The following PRKG1 variants were observed in gnomAD, a reference collection of about 807,000 sequenced individuals.
PRKG1 encodes cGMP-dependent protein kinase 1.
A neutral mutation model predicts 88.1 loss-of-function variants in PRKG1; 35 were observed. That is an observed-to-expected ratio of 0.40 (90% confidence interval 0.30 to 0.53). PRKG1 has a LOEUF of 0.53. PRKG1 is among the 20% of genes least tolerant of loss of function. The pLI is 0.59. For synonymous variants in PRKG1, 303 were observed against 292.5 expected (o/e 1.04, Z -0.37); for missense variants, 540 against 839.8 (o/e 0.64, Z 4.41).
At chr10:52,049,333 C>T (rs548721813) in intron 5 of PRKG1, among the ~76,000 whole-genome samples, 13 of 152,080 alleles carry the variant, frequency 8.5e-5, no homozygotes, top group African/African-American at 3.1e-4. Context: ...TAGAAGGGAT[C>T]CAGCATGGCA....
chr10:51,294,945 T>C (rs1840679727), intron 2 of PRKG1, among the ~76,000 whole-genome samples: 1 of 152,108 alleles, frequency 6.6e-6, no homozygotes, highest in Non-Finnish European at 1.5e-5. Context: ...TTCCTGGGTA[T>C]GGTGGCACTT....
intron 2 of PRKG1, among the ~76,000 whole-genome samples, chr10:51,294,329 C>G (rs1223414196): frequency 6.6e-6 from 1 of 151,970 alleles, no homozygotes; most frequent in Non-Finnish European, 1.5e-5. Flanking sequence ...ATGTTTTCTT[C>G]TAGTAGTTTT....
At chr10:52,091,860 C>G (rs1374917314) in intron 7 of PRKG1, among the ~76,000 whole-genome samples, 1 of 152,310 alleles carries the variant, frequency 6.6e-6, no homozygotes, top group East Asian at 1.9e-4. Flanking sequence ...TTTTGATATT[C>G]ATCCTCTGGT....
At chr10:51,098,534 G>A (rs1844600254) in intron 1 of PRKG1, among the ~76,000 whole-genome samples, 1 of 152,142 alleles carries the variant, frequency 6.6e-6, no homozygotes, top group African/African-American at 2.4e-5. Flanking sequence ...TATGGCGGAA[G>A]GATGAAAGAG....
Position 51,401,646 on chromosome 10 carries a change from C to T in PRKG1, c.479-66077C>T, listed in dbSNP as rs10997395. On this transcript the variant is annotated intron_variant, in intron 2 of 17. Coordinates refer to ENST00000373980, the MANE Select transcript of PRKG1 (RefSeq NM_006258.4). ...CCTTTTTTGGTGACTTACTTTTCAT[C>T]TTATCCTTCATTTAAAGAAGGCATC... is the stretch of plus-strand genomic sequence containing the variant. Among the ~76,000 whole-genome samples the T allele has an allele frequency of 2.0e-4, 31 of 152,200 alleles. No individual in the cohort carries two copies. The East Asian group carries it at 5.8e-3, about 28-fold the overall frequency.
chr10:51,268,283 T>C (rs1839889566), intron 2 of PRKG1, among the ~76,000 whole-genome samples: 1 of 152,184 alleles, frequency 6.6e-6, no homozygotes, highest in African/African-American at 2.4e-5. Context: ...GATAACATCT[T>C]ATCAGGAGAC....
At chr10:52,131,547 T>C (rs1199060012) in intron 7 of PRKG1, among the ~76,000 whole-genome samples, 1 of 151,902 alleles carries the variant, frequency 6.6e-6, no homozygotes, top group Non-Finnish European at 1.5e-5. Flanking sequence ...CGATGATGTG[T>C]ATTAAAAGGA....
chr10:51,511,414 T>C (rs1841401832), intron 3 of PRKG1, among the ~76,000 whole-genome samples: 1 of 152,074 alleles, frequency 6.6e-6, no homozygotes, highest in African/African-American at 2.4e-5. Context: ...AACCCACAGA[T>C]TGGGAGGAGC....
At chr10:51,199,375 C>T (rs1837853612) in intron 2 of PRKG1, among the ~76,000 whole-genome samples, 1 of 152,114 alleles carries the variant, frequency 6.6e-6, no homozygotes, top group African/African-American at 2.4e-5. Flanking sequence ...ATTAAGAATA[C>T]ACTTAATAAA....
intron 2 of PRKG1, among the ~76,000 whole-genome samples, chr10:51,446,544 G>A (rs924061380): frequency 1.3e-5 from 2 of 151,946 alleles, no homozygotes; most frequent in African/African-American, 4.8e-5. Flanking sequence ...AGCATTTTAA[G>A]GTTTCTGAAA....
At position 51,682,915 on chromosome 10, in the gene PRKG1, A is replaced by G. The variant is rs72797347; in HGVS notation, c.593-121670A>G. ...ACCTGTTCCAAAAGGGTTAAAGAAT[A>G]TCATTGAAAACTCTCTCTTCTACCT... is the stretch of plus-strand genomic sequence containing the variant. On this transcript the variant is annotated intron_variant, in intron 3 of 17. Transcript: ENST00000373980. Among the ~76,000 whole-genome samples, 996 of 152,344 alleles carry G rather than the reference A, an allele frequency of 6.5e-3. 7 individuals are homozygous for G. Among genetic ancestry groups the G allele is most frequent in the Middle Eastern group, 0.017 (5 of 294 alleles).
chr10:52,030,701 C>G (rs10762541), intron 5 of PRKG1, among the ~76,000 whole-genome samples: 3 of 151,944 alleles, frequency 2.0e-5, no homozygotes, highest in Non-Finnish European at 4.4e-5. Context: ...ACATAGGACA[C>G]GACCATGCTA....
chr10:51,423,886 G>A (rs927306717), intron 2 of PRKG1, among the ~76,000 whole-genome samples: 3 of 151,880 alleles, frequency 2.0e-5, no homozygotes, highest in Admixed American at 1.3e-4. Flanking sequence ...GTAAAAATAG[G>A]GCATAAATTG....
At chr10:52,006,697 C>T (rs555025225) in intron 5 of PRKG1, among the ~76,000 whole-genome samples, 3 of 152,298 alleles carry the variant, frequency 2.0e-5, no homozygotes, top group East Asian at 1.9e-4. Flanking sequence ...ACTTAGAAAA[C>T]ATATTTCAGG....
chr10:51,979,512 C>A (rs1313632975), intron 5 of PRKG1, among the ~76,000 whole-genome samples: 1 of 125,236 alleles, frequency 8.0e-6, no homozygotes, highest in Non-Finnish European at 1.6e-5. Context: ...TCCTTCCTTT[C>A]AATTTTTGGA....
intron 2 of PRKG1, among the ~76,000 whole-genome samples, chr10:51,155,321 T>C (rs2131978929): frequency 6.6e-6 from 1 of 152,220 alleles, no homozygotes; most frequent in East Asian, 1.9e-4. Context: ...TTAATATTTG[T>C]TAATGTTTAG....
chr10:52,165,040 G>A (rs1338215826), intron 9 of PRKG1, among the ~76,000 whole-genome samples: 1 of 152,052 alleles, frequency 6.6e-6, no homozygotes. Flanking sequence ...TTAGAAAATG[G>A]TAATTGCTTG....
At chr10:52,233,174 A>G (rs527557671) in intron 9 of PRKG1, among the ~76,000 whole-genome samples, 17 of 83,120 alleles carry the variant, frequency 2.0e-4, no homozygotes, top group Admixed American at 3.5e-4. Flanking sequence ...TTAGGTGAGG[A>G]AAAGGGAGCC....
chr10:51,585,870 A>T (rs920735466), intron 3 of PRKG1, among the ~76,000 whole-genome samples: 7 of 152,204 alleles, frequency 4.6e-5, no homozygotes, highest in African/African-American at 1.4e-4. Flanking sequence ...ACACAAGAAC[A>T]GGAAACCAAA....
Sources: gnomAD v4.1 joint callset for allele counts (sites outside exome capture counted in the v4.1 genomes callset) on GRCh38, gnomAD v4.1.1 for gene constraint, MANE v1.5 for transcripts, NCBI Gene and HGNC (gene_info 2026-07-23, HGNC 2026-07-21) for gene names.